The following TPO variants were observed in gnomAD, a reference collection of about 807,000 sequenced individuals.
TPO encodes the protein thyroid peroxidase, also known as thyroid microsomal antigen.
Under a neutral mutation model 96.9 loss-of-function variants are expected in TPO, and 78 were observed. The observed-to-expected ratio is 0.81, with a 90% CI of 0.67 to 0.97. TPO has a LOEUF of 0.97. TPO is among the 50% of genes least tolerant of loss of function. The probability of loss-of-function intolerance (pLI) is 0.00; values close to 1 mark genes in which losing one functional copy is unlikely to be tolerated. For synonymous variants in TPO, 547 were observed against 538.0 expected (o/e 1.02, Z -0.23); for missense variants, 1,252 against 1,274.8 (o/e 0.98, Z 0.27).
chr2:1,462,211 C>T (rs34932469), intron 7 of TPO, among the ~76,000 whole-genome samples: 59,949 of 151,806 alleles, frequency 0.39, 12,068 homozygotes, highest in South Asian at 0.5. Flanking sequence ...GCAGGTGCTG[C>T]GGGCAGCAGG....
At chr2:1,449,950 G>A (rs186823784) in intron 5 of TPO, among the ~76,000 whole-genome samples, 9 of 152,194 alleles carry the variant, frequency 5.9e-5, no homozygotes, top group East Asian at 3.9e-4. Context: ...AGCAGGAGAC[G>A]GGAAAAATCA....
In TPO at chr2:1,542,411, A is replaced by G. The variant is rs1462035235; in HGVS notation, c.2749-10A>G. The G allele has an allele frequency of 6.2e-7, 1 of 1,613,988 alleles. No homozygotes were observed. Among genetic ancestry groups the G allele is most frequent in the African/African-American group, 1.3e-5 (1 of 74,924 alleles). ...CAGACGTTATTAATGTTTGTTCTGCATTTTTGCAGGAGAGTGCTGGGATGG... is the reference window on the plus strand; with the variant it reads ...CAGACGTTATTAATGTTTGTTCTGCGTTTTTGCAGGAGAGTGCTGGGATGG... On this transcript the variant is annotated splice_polypyrimidine_tract_variant and intron_variant, in intron 16 of 16. Transcript: ENST00000329066.
chr2:1,539,420 G>A (rs1487404070), intron 15 of TPO, among the ~76,000 whole-genome samples: 1 of 152,158 alleles, frequency 6.6e-6, no homozygotes, highest in Non-Finnish European at 1.5e-5. Flanking sequence ...CTGAAGCGAT[G>A]ACTAAATGCC....
Position 1,501,906 on chromosome 2 carries a change from T to C in TPO, c.2387-2042T>C, listed in dbSNP as rs562299988. Among the ~76,000 whole-genome samples the C allele has an allele frequency of 1.1e-4, 16 of 152,092 alleles. No homozygotes were observed. In the South Asian group the frequency reaches 2.5e-3, roughly 24 times the overall value. ...TTGCTTGGAGCCATCCACTTTGTGATGATTTTTCCCAGCAGCCACAGGGAA... is the reference window on the plus strand; with the variant it reads ...TTGCTTGGAGCCATCCACTTTGTGACGATTTTTCCCAGCAGCCACAGGGAA... On this transcript the variant is annotated intron_variant, in intron 13 of 16. Coordinates refer to ENST00000329066, the MANE Select transcript of TPO (RefSeq NM_001206744.2).
chr2:1,415,676 C>T (rs1487764094), intron 2 of TPO, among the ~76,000 whole-genome samples: 34 of 152,070 alleles, frequency 2.2e-4, no homozygotes, highest in Admixed American at 2.2e-3. Context: ...CCGGGCAGGT[C>T]CCTGGGTCTC....
intron 9 of TPO, among the ~76,000 whole-genome samples, chr2:1,487,151 T>A (rs1671244742): frequency 6.6e-6 from 1 of 152,172 alleles, no homozygotes; most frequent in Non-Finnish European, 1.5e-5. Flanking sequence ...GGCCACTCCC[T>A]CAGCTAAGCT....
chr2:1,433,351 A>G, intron 3 of TPO, 87 bp from the exon 4 acceptor site: 1 of 1,540,720 alleles, frequency 6.5e-7, no homozygotes, highest in Non-Finnish European at 8.9e-7. Flanking sequence ...TAGTTACTCA[A>G]TAAATGTCTG....
At chr2:1,507,517 C>G (rs1360583014) in intron 14 of TPO, among the ~76,000 whole-genome samples, 2 of 152,220 alleles carry the variant, frequency 1.3e-5, no homozygotes, top group East Asian at 3.8e-4. Flanking sequence ...TACCCATGAG[C>G]ATGGAATGTT....
intron 7 of TPO, among the ~76,000 whole-genome samples, chr2:1,473,645 G>A (rs1453835379): frequency 2.0e-5 from 3 of 152,020 alleles, no homozygotes; most frequent in Non-Finnish European, 4.4e-5. Context: ...CATTTAGAGA[G>A]AAATGATCTT....
In TPO at chr2:1,540,811, T is replaced by G. The variant is rs544879619; in HGVS notation, c.2748+88T>G. ...TCGGAGCAGCTCTGCTGGGGCTCCCTGCATATTTCTGTTTACTCCGTGTTT... is the reference window on the plus strand; with the variant it reads ...TCGGAGCAGCTCTGCTGGGGCTCCCGGCATATTTCTGTTTACTCCGTGTTT... On this transcript the variant is annotated intron_variant, in intron 16 of 16. Transcript: ENST00000329066. 6 of 1,606,172 alleles carry G rather than the reference T, an allele frequency of 3.7e-6. No homozygotes were observed. The South Asian group carries it at 5.6e-5, about 15-fold the overall frequency.
chr2:1,525,972 T>TCCCCACTGTGAGCAACCTCCCCAAATCC (rs1676373406), intron 15 of TPO, among the ~76,000 whole-genome samples: 1 of 21,276 alleles, frequency 4.7e-5, no homozygotes, highest in Admixed American at 6.5e-4. Flanking sequence ...TTCCCAAATC[T>TCCCCACTGTGAGCAACCTCCCCAAATCC]CCCCACTGTG....
intron 16 of TPO, 21 bp from the exon 17 acceptor site, chr2:1,542,400 G>A (rs1680864035): frequency 6.2e-7 from 1 of 1,614,056 alleles, no homozygotes; most frequent in East Asian, 2.2e-5. Flanking sequence ...CGTTATTAAT[G>A]TTTGTTCTGC....
intron 5 of TPO, among the ~76,000 whole-genome samples, chr2:1,451,810 C>G (rs1472438041): frequency 1.3e-5 from 2 of 151,474 alleles, no homozygotes; most frequent in Admixed American, 1.3e-4. Flanking sequence ...CTATTTTTTT[C>G]TCTTTGAATT....
rs933000339 is a variant in TPO, at chr2:1,496,294, T to G, written c.2215+97T>G. On this transcript the variant is annotated intron_variant, in intron 12 of 16. Transcript: ENST00000329066. ...GAGCTGATTTTAACTTTTCACTGTTTAGAAAATAGTGTCAACGCCCTGCCT... is the reference window on the plus strand; with the variant it reads ...GAGCTGATTTTAACTTTTCACTGTTGAGAAAATAGTGTCAACGCCCTGCCT... 5 of 1,449,478 alleles carry G rather than the reference T, an allele frequency of 3.4e-6. No individual in the cohort carries two copies. In the East Asian group the frequency reaches 7.3e-5, roughly 21 times the overall value. 89.8% of individuals were successfully genotyped at this position (1,449,478 alleles called of 1,614,324 possible).
chr2:1,390,234 G>T (rs1487521661), intron 1 of TPO, among the ~76,000 whole-genome samples: 1 of 151,896 alleles, frequency 6.6e-6, no homozygotes, highest in Non-Finnish European at 1.5e-5. Flanking sequence ...TGATCTCATT[G>T]TTCATTTCCT....
chr2:1,425,099 A>C (rs886819968), intron 3 of TPO, among the ~76,000 whole-genome samples: 6 of 151,670 alleles, frequency 4.0e-5, no homozygotes, highest in Non-Finnish European at 8.8e-5. Context: ...TCATATCCTC[A>C]AAAGTCTGAG....
At chr2:1,400,568 CAAAAAAA>C (rs34242408) in intron 1 of TPO, among the ~76,000 whole-genome samples, 1 of 71,608 alleles carries the variant, frequency 1.4e-5, no homozygotes, top group Non-Finnish European at 2.5e-5. Context: ...GACTCTGTCT[CAAAAAAA>C]AAAAAAAAAA....
At chr2:1,511,075 T>C (rs989415954) in intron 14 of TPO, among the ~76,000 whole-genome samples, 1 of 152,242 alleles carries the variant, frequency 6.6e-6, no homozygotes, top group Non-Finnish European at 1.5e-5. Context: ...ATTCAGGCGC[T>C]GATATAATTA....
intron 3 of TPO, among the ~76,000 whole-genome samples, chr2:1,432,702 T>A (rs1473740048): frequency 3.2e-5 from 2 of 62,094 alleles, no homozygotes; most frequent in Admixed American, 2.1e-4. Flanking sequence ...GGCCTGCAGG[T>A]GAGGTGAGGC....
Sources: gnomAD v4.1 joint callset for allele counts (sites outside exome capture counted in the v4.1 genomes callset) on GRCh38, gnomAD v4.1.1 for gene constraint, MANE v1.5 for transcripts, NCBI Gene and HGNC (gene_info 2026-07-23, HGNC 2026-07-21) for gene names.